Variants in HAUS8 observed in about 807,000 individuals in gnomAD.
The protein encoded by HAUS8 is HAUS augmin-like complex subunit 8.
Under a neutral mutation model 42.9 loss-of-function variants are expected in HAUS8, and 38 were observed. The ratio of observed to expected loss-of-function variants is 0.89; its 90% CI spans 0.68 to 1.16. The LOEUF (loss-of-function observed/expected upper bound fraction) is 1.16, where lower values mean the gene tolerates loss of function less well. HAUS8 is among the 50% of genes most tolerant of loss of function. The pLI is 0.00. For missense variants in HAUS8, 494 were observed against 511.6 expected (o/e 0.97, Z 0.33); for synonymous variants, 199 against 205.8 (o/e 0.97, Z 0.28).
At position 17,062,862 on chromosome 19, in the gene HAUS8, T is replaced by G; in HGVS notation, c.148-83A>C. ...GCCCTGATGCGGTCTGCACTGTGTT[T>G]CGTAACTGCTCTTACTTTGAGGCAG... On this transcript the variant is annotated intron_variant, in intron 3 of 10. Transcript: ENST00000253669. The G allele has an allele frequency of 3.1e-6, 3 of 973,570 alleles. No individual in the cohort carries two copies. The Admixed American group carries it at 5.4e-5, about 17-fold the overall frequency. 60.3% of individuals were successfully genotyped at this position (973,570 alleles called of 1,614,324 possible). A position where few individuals can be genotyped will look rare whatever the true frequency, so the allele number is the denominator to read the frequency against.
intron 2 of HAUS8, among the ~76,000 whole-genome samples, chr19:17,070,890 A>G (rs2057417897): frequency 1.3e-5 from 2 of 152,030 alleles, no homozygotes; most frequent in African/African-American, 4.8e-5. Context: ...GCCAACATGG[A>G]GAAACCCCGT....
chr19:17,060,225 TAAAAAAA>T, intron 4 of HAUS8, 133 bp from the exon 5 acceptor site: 100 of 278,954 alleles, frequency 3.6e-4, no homozygotes, highest in Non-Finnish European at 4.8e-4. Context: ...GTGGAAAGGC[TAAAAAAA>T]AAAAAAAAAA....
chr19:17,059,866 T>G (rs532635004), intron 5 of HAUS8, 131 bp downstream of exon 5: 1 of 720,672 alleles, frequency 1.4e-6, no homozygotes, highest in East Asian at 2.6e-5. Context: ...ATATTTTTGA[T>G]GTACAATATT....
intron 4 of HAUS8, among the ~76,000 whole-genome samples, chr19:17,061,419 G>A (rs1296628924): frequency 6.6e-6 from 1 of 152,166 alleles, no homozygotes; most frequent in Non-Finnish European, 1.5e-5. Context: ...TTACAGGCGT[G>A]AGCCACCACA....
intron 3 of HAUS8, among the ~76,000 whole-genome samples, chr19:17,064,646 T>C (rs2057377774): frequency 6.6e-6 from 1 of 152,218 alleles, no homozygotes; most frequent in Non-Finnish European, 1.5e-5. Flanking sequence ...TAAATGGGAT[T>C]ACAACAACTG....
intron 3 of HAUS8, among the ~76,000 whole-genome samples, chr19:17,064,659 C>T (rs998208637): frequency 5.3e-5 from 8 of 152,196 alleles, no homozygotes; most frequent in African/African-American, 1.9e-4. Context: ...AACAACTGAA[C>T]ACCCATACAT....
intron 1 of HAUS8, chr19:17,074,139 G>A (rs1418199665): frequency 1.3e-5 from 2 of 152,332 alleles, no homozygotes; most frequent in African/African-American, 2.4e-5. Flanking sequence ...GGGATGACTA[G>A]GGGTTTCAGG....
chr19:17,054,100 T>A (rs1458404608), intron 9 of HAUS8, among the ~76,000 whole-genome samples: 1 of 152,108 alleles, frequency 6.6e-6, no homozygotes, highest in Non-Finnish European at 1.5e-5. Context: ...AGACACAGGA[T>A]GAGCTCACCT....
At chr19:17,055,184 ATATATAT>A (rs2057317280) in intron 9 of HAUS8, 2 of 73,744 alleles carry the variant, frequency 2.7e-5, no homozygotes, top group Non-Finnish European at 4.7e-5. Context: ...ATATATATAT[ATATATAT>A]AAGCCAGGTG....
chr19:17,071,326 G>A (rs755226128), intron 2 of HAUS8, among the ~76,000 whole-genome samples: 4 of 152,164 alleles, frequency 2.6e-5, no homozygotes, highest in Admixed American at 2.0e-4. Context: ...CAAAGGGCCG[G>A]GCTGTCAATC....
In HAUS8 at chr19:17,075,401, C is replaced by A. The variant is rs761493270; in HGVS notation, c.22G>T (p.Gly8Cys). The A allele has an allele frequency of 1.9e-6, 3 of 1,613,868 alleles. No individual in the cohort carries two copies. Among genetic ancestry groups the A allele is most frequent in the Non-Finnish European group, 1.7e-6 (2 of 1,179,940 alleles). MADSSGR[G>C]AGKPATGPTN... Reference sequence around the variant, plus strand: ...GCGGAAGCCCCAACTCACCCAGCGCCTCGCCCCGAGGAATCCGCCATTTTC... The same window carrying A: ...GCGGAAGCCCCAACTCACCCAGCGCATCGCCCCGAGGAATCCGCCATTTTC... Residue 8 changes from glycine to cysteine, a missense_variant, in exon 1 of 11, where the codon GGC becomes TGC. Gly to Cys is a radical substitution (Grantham distance 159). Transcript: ENST00000253669.
chr19:17,068,003 A>G (rs1476230276), intron 3 of HAUS8, among the ~76,000 whole-genome samples: 3 of 152,066 alleles, frequency 2.0e-5, no homozygotes, highest in Non-Finnish European at 2.9e-5. Context: ...GTTTGCCTAC[A>G]CAATAGTTCA....
chr19:17,075,419 C>A lies in HAUS8; in HGVS notation c.4G>T (p.Ala2Ser). 6.2e-7 allele frequency: 1 copy of A among 1,613,884 alleles called. No individual in the cohort carries two copies. Among genetic ancestry groups the A allele is most frequent in the Non-Finnish European group, 8.5e-7 (1 of 1,179,918 alleles). Residue 2 changes from alanine to serine, a missense_variant, in exon 1 of 11, where the codon GCG becomes TCG. By Grantham distance (99) the Ala-to-Ser change is moderately conservative (BLOSUM62 1). Coordinates refer to ENST00000253669, the MANE Select transcript of HAUS8 (RefSeq NM_033417.2). ...CCAGCGCCTCGCCCCGAGGAATCCG[C>A]CATTTTCCCGCCTTCCACCTCAAGG... is the stretch of plus-strand genomic sequence containing the variant. M[A>S]DSSGRGAGKP...
chr19:17,061,831 C>CTGA (rs2057362633), intron 4 of HAUS8, among the ~76,000 whole-genome samples: 1 of 152,240 alleles, frequency 6.6e-6, no homozygotes, highest in Non-Finnish European at 1.5e-5. Flanking sequence ...CAGGCCCAGT[C>CTGA]TGATCCCCTG....
intron 6 of HAUS8, 79 bp downstream of exon 6, chr19:17,059,478 T>C: frequency 1.0e-6 from 1 of 979,480 alleles, no homozygotes; most frequent in Non-Finnish European, 1.6e-6. Flanking sequence ...CCGTGGGCAC[T>C]CAGCATCTGG....
chr19:17,061,303 T>A lies in HAUS8; in HGVS notation c.230-1211A>T, dbSNP rs796248050. On this transcript the variant is annotated intron_variant, in intron 4 of 10. Coordinates refer to ENST00000253669, the MANE Select transcript of HAUS8 (RefSeq NM_033417.2). The stretch of plus-strand genomic sequence containing the variant: ...GTGTCACCATGCCCAGATAATTTTT[T>A]ATTTTTTTATTTTTAGTAGAGACAG... 6.4e-4 allele frequency among the ~76,000 whole-genome samples: 97 copies of A among 152,186 alleles called. 1 individual carries two copies. The highest frequency in any genetic ancestry group is 2.2e-3 in the African/African-American group (93 of 41,514).
At chr19:17,064,439 TGA>T (rs1468984389) in intron 3 of HAUS8, among the ~76,000 whole-genome samples, 1 of 152,168 alleles carries the variant, frequency 6.6e-6, no homozygotes, top group Non-Finnish European at 1.5e-5. Flanking sequence ...AAAAGCACAG[TGA>T]GAGGTCTCAC....
intron 4 of HAUS8, among the ~76,000 whole-genome samples, chr19:17,062,124 C>T (rs6512162): frequency 0.75 from 113,830 of 152,066 alleles, 43,007 homozygotes; most frequent in African/African-American, 0.82. Flanking sequence ...GCTGAGTCTT[C>T]TTGTTGATGT....
At chr19:17,057,913 G>C (rs2057336108) in intron 8 of HAUS8, among the ~76,000 whole-genome samples, 1 of 152,216 alleles carries the variant, frequency 6.6e-6, no homozygotes, top group South Asian at 2.1e-4. Context: ...GAGGACATGT[G>C]AACACAGAGA....
Sources: gnomAD v4.1 joint callset for allele counts (sites outside exome capture counted in the v4.1 genomes callset) on GRCh38, gnomAD v4.1.1 for gene constraint, MANE v1.5 for transcripts, NCBI Gene and HGNC (gene_info 2026-07-23, HGNC 2026-07-21) for gene names.